Variants in PLCB1 observed in about 807,000 individuals in gnomAD.
PLCB1 encodes the protein 1-phosphatidylinositol 4,5-bisphosphate phosphodiesterase beta-1.
In PLCB1, 46 loss-of-function variants were observed where a neutral mutation model predicts 161.8. The observed-to-expected ratio is 0.28, with a 90% CI of 0.22 to 0.36. PLCB1 has a LOEUF of 0.36. PLCB1 is among the 10% of genes least tolerant of loss of function. PLCB1 has a pLI of 1.00. For synonymous variants in PLCB1, 517 were observed against 503.7 expected (o/e 1.03, Z -0.35); for missense variants, 1,016 against 1,472.5 (o/e 0.69, Z 5.07).
intron 15 of PLCB1, among the ~76,000 whole-genome samples, chr20:8,724,178 T>A (rs201479823): frequency 2.7e-5 from 4 of 147,916 alleles, no homozygotes; most frequent in South Asian, 2.1e-4. Flanking sequence ...TTTATTTATA[T>A]AAAAAAAAAA....
intron 9 of PLCB1, among the ~76,000 whole-genome samples, chr20:8,667,437 G>C (rs1372432819): frequency 6.6e-6 from 1 of 152,206 alleles, no homozygotes; most frequent in South Asian, 2.1e-4. Flanking sequence ...CGTCATTGTG[G>C]ATCTATTGTT....
chr20:8,610,806 C>T (rs149820138), intron 3 of PLCB1, among the ~76,000 whole-genome samples: 1,755 of 152,052 alleles, frequency 0.012, 23 homozygotes, highest in African/African-American at 0.035. Context: ...TGACTTATAC[C>T]TAGGTTTTCT....
At chr20:8,638,792 T>A (rs1161259369) in intron 4 of PLCB1, among the ~76,000 whole-genome samples, 1 of 152,198 alleles carries the variant, frequency 6.6e-6, no homozygotes, top group East Asian at 1.9e-4. Context: ...AAAAGCCCTA[T>A]GAAATAAATT....
In PLCB1 at chr20:8,883,668, G is replaced by T. The variant is rs1173208525; in HGVS notation, c.*1819G>T. The T allele has an allele frequency of 6.6e-6, 1 of 152,196 alleles. No individual in the cohort carries two copies. Among genetic ancestry groups the T allele is most frequent in the African/African-American group, 2.4e-5 (1 of 41,324 alleles). 9.4% of individuals were successfully genotyped at this position (152,196 alleles called of 1,614,324 possible). A position where few individuals can be genotyped will look rare whatever the true frequency, so the allele number is the denominator to read the frequency against. On this transcript the variant is annotated 3_prime_UTR_variant, in exon 32 of 32. Coordinates refer to ENST00000338037, the MANE Select transcript of PLCB1 (RefSeq NM_015192.4). ...AAATTTTAATCAAAATGAAGGCTTA[G>T]TTCAAACATAAGGAAACAGTGTTTG...
intron 12 of PLCB1, among the ~76,000 whole-genome samples, chr20:8,709,768 T>A (rs1163085815): frequency 3.9e-5 from 6 of 152,234 alleles, no homozygotes; most frequent in African/African-American, 1.4e-4. Flanking sequence ...CATATTATAT[T>A]TACCGGCTTG....
chr20:8,543,387 T>C (rs1050614731), intron 3 of PLCB1, among the ~76,000 whole-genome samples: 23 of 152,094 alleles, frequency 1.5e-4, no homozygotes, highest in African/African-American at 5.1e-4. Context: ...TGACTAAGTA[T>C]AAATTCTATG....
intron 20 of PLCB1, 32 bp from the exon 21 acceptor site, chr20:8,739,226 CTTA>C (rs1312357016): frequency 8.4e-7 from 1 of 1,187,406 alleles, no homozygotes; most frequent in Non-Finnish European, 1.3e-6. Context: ...ATTGTTCATT[CTTA>C]TAACCAGGTG....
intron 3 of PLCB1, among the ~76,000 whole-genome samples, chr20:8,489,429 C>A (rs115485642): frequency 6.6e-6 from 1 of 152,046 alleles, no homozygotes; most frequent in South Asian, 2.1e-4. Context: ...TTAAATAAAT[C>A]GTTGTAATAA....
intron 3 of PLCB1, among the ~76,000 whole-genome samples, chr20:8,544,245 T>C (rs1398004443): frequency 2.6e-5 from 4 of 152,168 alleles, no homozygotes; most frequent in African/African-American, 9.7e-5. Context: ...ACCAAATTTC[T>C]CTCTAAGCCA....
chr20:8,228,178 A>C lies in PLCB1; in HGVS notation c.177+77807A>C, dbSNP rs558842117. On this transcript the variant is annotated intron_variant, in intron 2 of 31. Coordinates refer to ENST00000338037, the MANE Select transcript of PLCB1 (RefSeq NM_015192.4). Reference sequence around the variant, plus strand: ...CTGTCTCAAAATAAATAAATAAATAAGATAAGATAAAATAAAATAATAAAA... The same window carrying C: ...CTGTCTCAAAATAAATAAATAAATACGATAAGATAAAATAAAATAATAAAA... Among the ~76,000 whole-genome samples the C allele has an allele frequency of 2.0e-4, 31 of 152,146 alleles. 1 individual carries two copies. In the South Asian group the frequency reaches 6.4e-3, roughly 32 times the overall value.
At chr20:8,409,876 A>C (rs899913106) in intron 3 of PLCB1, among the ~76,000 whole-genome samples, 3 of 152,216 alleles carry the variant, frequency 2.0e-5, no homozygotes, top group Non-Finnish European at 4.4e-5. Flanking sequence ...AAGCAGAGTC[A>C]CAGGAAAGAA....
chr20:8,199,504 G>T (rs892828763), intron 2 of PLCB1, among the ~76,000 whole-genome samples: 1 of 152,058 alleles, frequency 6.6e-6, no homozygotes, highest in Non-Finnish European at 1.5e-5. Flanking sequence ...ATATATCCAT[G>T]TAGCCTCTAT....
chr20:8,551,313 A>G (rs1188527516), intron 3 of PLCB1, among the ~76,000 whole-genome samples: 1 of 152,220 alleles, frequency 6.6e-6, no homozygotes, highest in Non-Finnish European at 1.5e-5. Flanking sequence ...CAAAGAGAGC[A>G]CATAGCCTCA....
intron 3 of PLCB1, among the ~76,000 whole-genome samples, chr20:8,589,578 G>T (rs147402867): frequency 5.3e-5 from 8 of 151,366 alleles, no homozygotes; most frequent in Admixed American, 1.3e-4. Flanking sequence ...ATGGTGGAAG[G>T]GGTGAAGGCT....
At chr20:8,476,407 G>A (rs780817874) in intron 3 of PLCB1, among the ~76,000 whole-genome samples, 3 of 152,038 alleles carry the variant, frequency 2.0e-5, no homozygotes, top group African/African-American at 7.2e-5. Flanking sequence ...TATGTACTTT[G>A]CTCCTTGGTG....
At position 8,648,035 on chromosome 20, in the gene PLCB1, C is replaced by G. The variant is rs572823795; in HGVS notation, c.518+82C>G. ...CATGCCATGGCTCTGTTTTGTTTCTCCAGCAGCCTAAGTGGGAGTGTGGAA... is the reference window on the plus strand; with the variant it reads ...CATGCCATGGCTCTGTTTTGTTTCTGCAGCAGCCTAAGTGGGAGTGTGGAA... On this transcript the variant is annotated intron_variant, in intron 6 of 31. Coordinates refer to ENST00000338037, the MANE Select transcript of PLCB1 (RefSeq NM_015192.4). The G allele has an allele frequency of 2.9e-6, 3 of 1,042,876 alleles. No homozygotes were observed. The South Asian group carries it at 4.8e-5, about 17-fold the overall frequency. The allele number at this position is 1,042,876 out of a possible 1,614,324, so 64.6% of individuals were successfully genotyped here.
rs34790517 is a variant in PLCB1, at chr20:8,375,943, C to CAAAAAAAAAAAAAAAAAAA, written c.246+4496_246+4514dup. Among the ~76,000 whole-genome samples the CAAAAAAAAAAAAAAAAAAA allele has an allele frequency of 2.1e-5, 2 of 93,058 alleles. 1 individual carries two copies. Among genetic ancestry groups the CAAAAAAAAAAAAAAAAAAA allele is most frequent in the African/African-American group, 7.9e-5 (2 of 25,470 alleles). The allele number at this position is 93,058 out of a possible 152,430, so 61.0% of individuals were successfully genotyped here. A position where few individuals can be genotyped will look rare whatever the true frequency, so the allele number is the denominator to read the frequency against. On this transcript the variant is annotated intron_variant, in intron 3 of 31. Coordinates refer to ENST00000338037, the MANE Select transcript of PLCB1 (RefSeq NM_015192.4). ...CCTTCATCATGCAAACCAAGTGAAC[C>CAAAAAAAAAAAAAAAAAAA]AAAAAAAAAAAAAAAAAAAAAGGTC... is the stretch of plus-strand genomic sequence containing the variant.
At chr20:8,489,122 T>C (rs947392978) in intron 3 of PLCB1, among the ~76,000 whole-genome samples, 26 of 152,180 alleles carry the variant, frequency 1.7e-4, no homozygotes, top group Non-Finnish European at 2.8e-4. Flanking sequence ...TGCTAGGAGC[T>C]GGGAACCCAG....
At chr20:8,798,384 TTGTG>T (rs1172943431) in intron 31 of PLCB1, among the ~76,000 whole-genome samples, 1 of 151,924 alleles carries the variant, frequency 6.6e-6, no homozygotes, top group Non-Finnish European at 1.5e-5. Flanking sequence ...CAGTAAAAGA[TTGTG>T]TGTGTGTGTG....
Sources: gnomAD v4.1 joint callset for allele counts (sites outside exome capture counted in the v4.1 genomes callset) on GRCh38, gnomAD v4.1.1 for gene constraint, MANE v1.5 for transcripts, NCBI Gene and HGNC (gene_info 2026-07-23, HGNC 2026-07-21) for gene names.